Variants in ITGB3BP observed in about 807,000 individuals in gnomAD.
ITGB3BP encodes the protein centromere protein R.
ITGB3BP carries 27 observed loss-of-function variants against 29.1 expected under a neutral mutation model. The ratio of observed to expected loss-of-function variants is 0.93; its 90% CI spans 0.68 to 1.28. The LOEUF is 1.28. ITGB3BP is among the 50% of genes most tolerant of loss of function. The pLI, the probability that ITGB3BP is intolerant of heterozygous loss-of-function variation, is 0.00. For missense variants in ITGB3BP, 192 were observed against 200.2 expected, an observed-to-expected ratio of 0.96 and a Z score of 0.25; for synonymous variants, 61 against 61.4, an observed-to-expected ratio of 0.99 and a Z score of 0.03.
chr1:63,473,078 C>A (rs1480883232), intron 4 of ITGB3BP, among the ~76,000 whole-genome samples: 4 of 151,998 alleles, frequency 2.6e-5, no homozygotes, highest in African/African-American at 9.7e-5. Flanking sequence ...AGGAGCGTCT[C>A]TGCCCGGCCG....
intron 3 of ITGB3BP, among the ~76,000 whole-genome samples, chr1:63,488,152 T>C (rs1215334187): frequency 1.3e-5 from 2 of 152,106 alleles, no homozygotes; most frequent in African/African-American, 2.4e-5. Flanking sequence ...TCTGTTCACA[T>C]AGTACATGGT....
intron 2 of ITGB3BP, among the ~76,000 whole-genome samples, chr1:63,497,142 A>C (rs1427822048): frequency 6.6e-6 from 1 of 152,046 alleles, no homozygotes; most frequent in East Asian, 1.9e-4. Context: ...CAAAGACAAA[A>C]ATTCTTAATT....
At chr1:63,510,241 A>G (rs1484274169) in intron 1 of ITGB3BP, 1 of 433,396 alleles carries the variant, frequency 2.3e-6, no homozygotes, top group African/African-American at 2.0e-5. Context: ...TAAACAGTAC[A>G]GCATTTCTTA....
chr1:63,447,475 C>T (rs1644803541), intron 7 of ITGB3BP: 1 of 434,976 alleles, frequency 2.3e-6, no homozygotes, highest in Admixed American at 2.6e-5. Context: ...GTCCTGTAAC[C>T]AGGCAATTAC....
intron 1 of ITGB3BP, among the ~76,000 whole-genome samples, chr1:63,515,424 C>CT (rs1342476082): frequency 3.9e-5 from 6 of 152,082 alleles, no homozygotes; most frequent in African/African-American, 7.2e-5. Flanking sequence ...CAACTTCATT[C>CT]TTTTTTTTCA....
intron 4 of ITGB3BP, among the ~76,000 whole-genome samples, chr1:63,474,342 C>G (rs1434036073): frequency 1.3e-5 from 2 of 148,948 alleles, no homozygotes; most frequent in Non-Finnish European, 3.0e-5. Flanking sequence ...CCGGCCGCCC[C>G]TACTGGGAAG....
At chr1:63,512,704 T>A (rs572277629) in intron 1 of ITGB3BP, among the ~76,000 whole-genome samples, 112 of 152,222 alleles carry the variant, frequency 7.4e-4, no homozygotes, top group South Asian at 4.2e-3. Context: ...AGTAAGAAAT[T>A]TCTGAGTGGA....
At chr1:63,448,285 T>A (rs946533933) in intron 7 of ITGB3BP, among the ~76,000 whole-genome samples, 6 of 149,886 alleles carry the variant, frequency 4.0e-5, no homozygotes, top group African/African-American at 1.2e-4. Flanking sequence ...CATATGTAAC[T>A]AACCTGCACA....
intron 4 of ITGB3BP, among the ~76,000 whole-genome samples, chr1:63,476,897 A>G (rs747232908): frequency 6.6e-6 from 1 of 152,224 alleles, no homozygotes; most frequent in African/African-American, 2.4e-5. Flanking sequence ...CTGTGTACAT[A>G]TATTTCCTAT....
upstream of ITGB3BP, chr1:63,525,853 T>C: frequency 1.2e-6 from 1 of 845,784 alleles, no homozygotes; most frequent in Non-Finnish European, 1.8e-6. Flanking sequence ...TGTTGAATCA[T>C]CCCAGTTTCT....
intron 1 of ITGB3BP, among the ~76,000 whole-genome samples, chr1:63,519,983 T>C (rs745400011): frequency 6.6e-6 from 1 of 152,146 alleles, no homozygotes; most frequent in Non-Finnish European, 1.5e-5. Context: ...AGTCATAGCT[T>C]GGAACAGAAT....
chr1:63,528,510 C>T (rs554040243), intron 2 of ITGB3BP, among the ~76,000 whole-genome samples: 1 of 152,114 alleles, frequency 6.6e-6, no homozygotes, highest in East Asian at 1.9e-4. Context: ...TTAGCTAGCA[C>T]AACAGGGTGA....
At chr1:63,494,109 G>A (rs1645728587) in intron 2 of ITGB3BP, among the ~76,000 whole-genome samples, 3 of 152,132 alleles carry the variant, frequency 2.0e-5, no homozygotes, top group Admixed American at 6.5e-5. Context: ...TGGGCCTAAG[G>A]TGCCTAGAAG....
intron 4 of ITGB3BP, among the ~76,000 whole-genome samples, chr1:63,470,675 T>C (rs1179531499): frequency 1.3e-5 from 2 of 152,212 alleles, no homozygotes; most frequent in African/African-American, 4.8e-5. Context: ...CATCTGGATA[T>C]TTTCAAATTT....
chr1:63,503,515 A>T (rs1250257974), intron 2 of ITGB3BP, among the ~76,000 whole-genome samples: 3 of 152,102 alleles, frequency 2.0e-5, no homozygotes, highest in African/African-American at 7.2e-5. Context: ...CTTTAGTTTA[A>T]TTAGATCCCA....
intron 4 of ITGB3BP, among the ~76,000 whole-genome samples, chr1:63,456,520 C>A (rs1244988247): frequency 6.6e-6 from 1 of 152,144 alleles, no homozygotes; most frequent in East Asian, 1.9e-4. Flanking sequence ...AAGGCTGGAT[C>A]CTCTAGCTTC....
At chr1:63,494,087 C>T (rs1309045526) in intron 2 of ITGB3BP, among the ~76,000 whole-genome samples, 1 of 152,164 alleles carries the variant, frequency 6.6e-6, no homozygotes, top group Middle Eastern at 3.4e-3. Flanking sequence ...GCCTCAGAGA[C>T]GTTTCACAAT....
intron 1 of ITGB3BP, among the ~76,000 whole-genome samples, chr1:63,516,557 A>C (rs1646332962): frequency 1.3e-5 from 2 of 151,674 alleles, no homozygotes; most frequent in African/African-American, 2.4e-5. Context: ...AAAAAAATTA[A>C]AAATTAGGCC....
intron 4 of ITGB3BP, among the ~76,000 whole-genome samples, chr1:63,469,047 CAAA>C (rs67619203): frequency 4.2e-5 from 6 of 142,606 alleles, no homozygotes; most frequent in East Asian, 2.0e-4. Context: ...GAGACTGTTT[CAAA>C]AAAAAAAAAA....
Sources: gnomAD v4.1 joint callset for allele counts (sites outside exome capture counted in the v4.1 genomes callset) on GRCh38, gnomAD v4.1.1 for gene constraint, MANE v1.5 for transcripts, NCBI Gene and HGNC (gene_info 2026-07-23, HGNC 2026-07-21) for gene names.